Variants in PTPRM observed in about 807,000 individuals in gnomAD.
PTPRM encodes receptor-type tyrosine-protein phosphatase mu.
A neutral mutation model predicts 186.7 loss-of-function variants in PTPRM; 47 were observed. That is an observed-to-expected ratio of 0.25 (90% CI 0.20 to 0.32). PTPRM has a LOEUF of 0.32. Among genes scored for constraint, PTPRM ranks in the 10% least tolerant of loss-of-function variants. The pLI is 1.00. For missense variants in PTPRM, 1,494 were observed against 1,865.0 expected (o/e 0.80, Z 3.66); for synonymous variants, 668 against 674.9 (o/e 0.99, Z 0.16).
intron 2 of PTPRM, among the ~76,000 whole-genome samples, chr18:7,884,792 C>T (rs1351471831): frequency 3.3e-5 from 5 of 151,564 alleles, no homozygotes; most frequent in African/African-American, 7.3e-5. Flanking sequence ...GGGATGGTGG[C>T]AGGCACCTGT....
At chr18:7,860,691 A>G (rs1438410442) in intron 2 of PTPRM, among the ~76,000 whole-genome samples, 3 of 152,214 alleles carry the variant, frequency 2.0e-5, no homozygotes, top group African/African-American at 7.2e-5. Context: ...AAACATTAAA[A>G]ACAAGGTTTG....
intron 19 of PTPRM, among the ~76,000 whole-genome samples, chr18:8,257,843 G>A (rs570273968): frequency 3.9e-5 from 6 of 152,206 alleles, no homozygotes; most frequent in African/African-American, 4.8e-5. Flanking sequence ...CTTCTTTATC[G>A]TTTTCAAGAC....
chr18:8,254,358 T>C (rs1358503897), intron 19 of PTPRM, among the ~76,000 whole-genome samples: 1 of 152,236 alleles, frequency 6.6e-6, no homozygotes, highest in Non-Finnish European at 1.5e-5. Context: ...AGAAATCTAA[T>C]TCAAAGAAGC....
At chr18:8,366,312 G>T (rs1374058391) in intron 23 of PTPRM, among the ~76,000 whole-genome samples, 1 of 152,202 alleles carries the variant, frequency 6.6e-6, no homozygotes, top group Non-Finnish European at 1.5e-5. Context: ...GCTACCCACA[G>T]TGTGGTCCAG....
chr18:8,212,922 A>C (rs2094027253), intron 14 of PTPRM, among the ~76,000 whole-genome samples: 1 of 152,194 alleles, frequency 6.6e-6, no homozygotes, highest in Non-Finnish European at 1.5e-5. Flanking sequence ...TCTTATGAAC[A>C]TTCTTCCTAG....
intron 22 of PTPRM, among the ~76,000 whole-genome samples, chr18:8,319,717 G>A (rs2095333840): frequency 6.6e-6 from 1 of 152,196 alleles, no homozygotes; most frequent in Non-Finnish European, 1.5e-5. Context: ...ATTTGGAGCA[G>A]GAAGGGGTTG....
chr18:8,185,873 GA>G (rs1265341626), intron 14 of PTPRM, among the ~76,000 whole-genome samples: 1 of 152,112 alleles, frequency 6.6e-6, no homozygotes, highest in African/African-American at 2.4e-5. Context: ...ACGTATAAAT[GA>G]AATGTGTCTC....
rs1280951464 is a variant in PTPRM at position 8,289,569 on chromosome 18, T to TAC, written c.2755-6798_2755-6797insCA. Among the ~76,000 whole-genome samples, 23 of 123,988 alleles carry TAC rather than the reference T, an allele frequency of 1.9e-4. 1 individual carries two copies. The highest frequency in any genetic ancestry group is 8.4e-4 in the African/African-American group (23 of 27,356). 81.3% of individuals were successfully genotyped at this position (123,988 alleles called of 152,430 possible). On this transcript the variant is annotated intron_variant, in intron 19 of 32. Transcript: ENST00000580170. ...ATATATACATATATATACACATATA[T>TAC]ATATATACATATATATATACACATA...
chr18:8,363,266 C>T (rs115738202), intron 23 of PTPRM, among the ~76,000 whole-genome samples: 2,291 of 152,228 alleles, frequency 0.015, 30 homozygotes, highest in African/African-American at 0.036. Context: ...TGGGAGCGGG[C>T]GTATAATCAG....
chr18:8,193,147 G>T (rs941362323), intron 14 of PTPRM, among the ~76,000 whole-genome samples: 2 of 152,178 alleles, frequency 1.3e-5, no homozygotes, highest in Non-Finnish European at 2.9e-5. Context: ...AAACTAAGTT[G>T]CAAATGGTTA....
At chr18:7,609,342 G>T (rs1391399421) in intron 1 of PTPRM, among the ~76,000 whole-genome samples, 2 of 152,136 alleles carry the variant, frequency 1.3e-5, no homozygotes, top group Non-Finnish European at 2.9e-5. Flanking sequence ...CCTGCATAGG[G>T]GGACAGCAGC....
At chr18:8,389,493 G>C (rs898314547) in intron 31 of PTPRM, among the ~76,000 whole-genome samples, 2 of 152,110 alleles carry the variant, frequency 1.3e-5, no homozygotes, top group Admixed American at 6.5e-5. Flanking sequence ...GGAGGCATCC[G>C]TTGTTTCTTC....
intron 1 of PTPRM, among the ~76,000 whole-genome samples, chr18:7,701,680 A>G (rs1016272249): frequency 6.6e-6 from 1 of 152,128 alleles, no homozygotes; most frequent in Non-Finnish European, 1.5e-5. Flanking sequence ...GCAGGTAAGT[A>G]TCAAAAAATG....
intron 1 of PTPRM, among the ~76,000 whole-genome samples, chr18:7,681,706 C>G (rs2039485295): frequency 1.3e-5 from 2 of 152,198 alleles, no homozygotes; most frequent in African/African-American, 2.4e-5. Flanking sequence ...AGCCACGTTG[C>G]TCACTCAATT....
intron 7 of PTPRM, among the ~76,000 whole-genome samples, chr18:7,975,634 G>T (rs1270745726): frequency 6.6e-6 from 1 of 152,108 alleles, no homozygotes; most frequent in African/African-American, 2.4e-5. Flanking sequence ...TAACATTGTA[G>T]CCACTGTAAT....
At chr18:8,217,915 G>A (rs973464773) in intron 14 of PTPRM, among the ~76,000 whole-genome samples, 2 of 151,906 alleles carry the variant, frequency 1.3e-5, no homozygotes, top group African/African-American at 4.8e-5. Context: ...ATAGTATCGC[G>A]TTGTATTTAC....
intron 1 of PTPRM, among the ~76,000 whole-genome samples, chr18:7,614,829 G>A (rs1168346459): frequency 6.6e-6 from 1 of 151,942 alleles, no homozygotes; most frequent in African/African-American, 2.4e-5. Flanking sequence ...GGCTTAAAGA[G>A]TTGTTTTTGA....
At chr18:8,215,185 G>A (rs1247071643) in intron 14 of PTPRM, among the ~76,000 whole-genome samples, 1 of 152,150 alleles carries the variant, frequency 6.6e-6, no homozygotes, top group African/African-American at 2.4e-5. Context: ...GTGAGAACCC[G>A]AAAATAGTTA....
intron 22 of PTPRM, among the ~76,000 whole-genome samples, chr18:8,338,560 C>T (rs544580146): frequency 6.6e-6 from 1 of 152,256 alleles, no homozygotes; most frequent in South Asian, 2.1e-4. Flanking sequence ...CAAAACTCAG[C>T]CCTATAGCTC....
Sources: allele counts gnomAD v4.1 joint callset (sites outside exome capture counted in the v4.1 genomes callset), GRCh38; gene constraint gnomAD v4.1.1; transcripts MANE v1.5; gene names NCBI Gene and HGNC (gene_info 2026-07-23, HGNC 2026-07-21).